FBXL17: variants seen among roughly 807,000 people sequenced by gnomAD.
FBXL17 encodes the protein F-box/LRR-repeat protein 17.
In FBXL17, 22 loss-of-function variants were observed where a neutral mutation model predicts 66.2. The ratio of observed to expected loss-of-function variants is 0.33; its 90% CI spans 0.24 to 0.47. The LOEUF (loss-of-function observed/expected upper bound fraction) is 0.47. Among genes scored for constraint, FBXL17 ranks in the 20% least tolerant of loss-of-function variants. FBXL17 has a pLI of 1.00. For synonymous variants in FBXL17, 474 were observed against 400.5 expected, an observed-to-expected ratio of 1.18 and a Z score of -2.19; for missense variants, 878 against 948.2, an observed-to-expected ratio of 0.93 and a Z score of 0.97.
intron 6 of FBXL17, among the ~76,000 whole-genome samples, chr5:108,183,791 C>A (rs185273256): frequency 2.6e-4 from 40 of 152,198 alleles, no homozygotes; most frequent in African/African-American, 8.9e-4. Context: ...TAGTTCAACG[C>A]CCACTCGTAA....
At position 108,320,407 on chromosome 5, in the gene FBXL17, T is replaced by A. The variant is rs530235327; in HGVS notation, c.1506+27992A>T. Among the ~76,000 whole-genome samples the A allele has an allele frequency of 2.1e-3, 320 of 151,876 alleles. 3 individuals carry two copies. The highest frequency in any genetic ancestry group is 6.8e-3 in the Middle Eastern group (2 of 294). ...AACTCAGACTTGAATCAAGTGATTG[T>A]AACTTCTCAAGCAAATACATACAGC... On this transcript the variant is annotated intron_variant, in intron 4 of 8. Coordinates refer to ENST00000542267, the MANE Select transcript of FBXL17 (RefSeq NM_001163315.3).
intron 1 of FBXL17, among the ~76,000 whole-genome samples, chr5:108,379,188 C>T (rs1217707955): frequency 1.3e-5 from 2 of 151,804 alleles, no homozygotes; most frequent in Non-Finnish European, 2.9e-5. Flanking sequence ...TGTTTTTTAC[C>T]TCATGAAATA....
At chr5:107,929,023 T>C (rs1003936394) in intron 7 of FBXL17, among the ~76,000 whole-genome samples, 1 of 152,134 alleles carries the variant, frequency 6.6e-6, no homozygotes, top group African/African-American at 2.4e-5. Context: ...CATTTTACCA[T>C]TTACCTTTCT....
Position 108,126,844 on chromosome 5 carries a change from A to G in FBXL17, c.1745+59273T>C, listed in dbSNP as rs558941083. 5.9e-5 allele frequency among the ~76,000 whole-genome samples: 9 copies of G among 151,896 alleles called. No individual in the cohort carries two copies. In the South Asian group the frequency reaches 1.9e-3, roughly 32 times the overall value. On this transcript the variant is annotated intron_variant, in intron 6 of 8. Coordinates refer to ENST00000542267, the MANE Select transcript of FBXL17 (RefSeq NM_001163315.3). ...CCTAAAGATACATTTAGCAAAAAAG[A>G]AAAAGAAGAAAAAAATGCCATTGAG...
At chr5:107,894,794 C>G (rs1749318014) in intron 7 of FBXL17, among the ~76,000 whole-genome samples, 1 of 151,950 alleles carries the variant, frequency 6.6e-6, no homozygotes, top group Non-Finnish European at 1.5e-5. Flanking sequence ...AATAAAGAGA[C>G]TGAATTGCAA....
chr5:108,004,570 AAAGTGCCATAGTT>A (rs936681241), intron 7 of FBXL17, among the ~76,000 whole-genome samples: 3 of 152,160 alleles, frequency 2.0e-5, no homozygotes, highest in Non-Finnish European at 1.5e-5. Context: ...AGAGGAGGAA[AAAGTGCCATAGTT>A]AAGCAATGGG....
chr5:108,286,590 G>A (rs930433558), intron 4 of FBXL17, among the ~76,000 whole-genome samples: 2 of 151,982 alleles, frequency 1.3e-5, no homozygotes, highest in Admixed American at 6.6e-5. Flanking sequence ...AACCAGAGAG[G>A]TGAAGGATCT....
At chr5:108,219,824 C>T (rs183599820) in intron 5 of FBXL17, among the ~76,000 whole-genome samples, 1 of 151,208 alleles carries the variant, frequency 6.6e-6, no homozygotes. Context: ...AGAGATTTAT[C>T]AATTTTATCT....
At chr5:108,296,690 C>T (rs929634233) in intron 4 of FBXL17, among the ~76,000 whole-genome samples, 2 of 151,542 alleles carry the variant, frequency 1.3e-5, no homozygotes, top group Non-Finnish European at 3.0e-5. Context: ...CATGAAATGT[C>T]ATTTCATATT....
chr5:108,348,294 T>C, intron 4 of FBXL17, 105 bp downstream of exon 4: 2 of 1,060,414 alleles, frequency 1.9e-6, no homozygotes, highest in Non-Finnish European at 2.7e-6. Flanking sequence ...TAAGTAGTAT[T>C]TGAACCATCA....
At chr5:108,220,672 A>G (rs938227698) in intron 5 of FBXL17, among the ~76,000 whole-genome samples, 6 of 152,094 alleles carry the variant, frequency 3.9e-5, no homozygotes, top group Admixed American at 3.9e-4. Context: ...ATCCCAGCCT[A>G]AGTCAGTAGG....
intron 7 of FBXL17, among the ~76,000 whole-genome samples, chr5:108,010,061 C>G (rs114118420): frequency 0.011 from 1,684 of 152,230 alleles, 38 homozygotes; most frequent in African/African-American, 0.037. Context: ...CAGTATTTTT[C>G]AAACTTCTGG....
chr5:108,056,866 C>G (rs1255225169), intron 6 of FBXL17, among the ~76,000 whole-genome samples: 1 of 152,222 alleles, frequency 6.6e-6, no homozygotes, highest in Non-Finnish European at 1.5e-5. Flanking sequence ...ACACACTTAA[C>G]TCCTACAGGA....
At chr5:108,310,751 AC>A (rs1322864639) in intron 4 of FBXL17, among the ~76,000 whole-genome samples, 2 of 152,254 alleles carry the variant, frequency 1.3e-5, no homozygotes, top group East Asian at 3.9e-4. Flanking sequence ...TTACACCACT[AC>A]TTAAGCATCG....
chr5:107,988,360 A>C (rs1753102886), intron 7 of FBXL17, among the ~76,000 whole-genome samples: 1 of 151,970 alleles, frequency 6.6e-6, no homozygotes, highest in South Asian at 2.1e-4. Context: ...TTTGCAATTA[A>C]AATTTTTTTT....
intron 7 of FBXL17, among the ~76,000 whole-genome samples, chr5:107,895,239 C>T (rs1219802055): frequency 6.6e-6 from 1 of 151,910 alleles, no homozygotes; most frequent in Non-Finnish European, 1.5e-5. Flanking sequence ...ATCATATATT[C>T]CCTAAGTTCT....
chr5:107,989,022 T>C (rs185095422), intron 7 of FBXL17, among the ~76,000 whole-genome samples: 7 of 152,044 alleles, frequency 4.6e-5, no homozygotes, highest in Admixed American at 3.9e-4. Flanking sequence ...TAGATAATAA[T>C]TGTATATATT....
chr5:108,241,386 A>C (rs2150100841), intron 4 of FBXL17, among the ~76,000 whole-genome samples: 1 of 152,324 alleles, frequency 6.6e-6, no homozygotes, highest in South Asian at 2.1e-4. Flanking sequence ...TGAGTCTCTT[A>C]ACAGAATTGA....
At chr5:108,323,456 A>T (rs997505600) in intron 4 of FBXL17, among the ~76,000 whole-genome samples, 1 of 151,942 alleles carries the variant, frequency 6.6e-6, no homozygotes, top group Non-Finnish European at 1.5e-5. Context: ...TAAAGACACA[A>T]ATAGATGGAA....
Sources: gnomAD v4.1 joint callset for allele counts (sites outside exome capture counted in the v4.1 genomes callset) on GRCh38, gnomAD v4.1.1 for gene constraint, MANE v1.5 for transcripts, NCBI Gene and HGNC (gene_info 2026-07-23, HGNC 2026-07-21) for gene names.